SEC14L1: variants seen among roughly 807,000 people sequenced by gnomAD.
SEC14L1 encodes the protein SEC14-like protein 1.
SEC14L1 carries 48 observed loss-of-function variants against 85.3 expected under a neutral mutation model. The ratio of observed to expected loss-of-function variants is 0.56; its 90% CI spans 0.45 to 0.72. SEC14L1 has a LOEUF of 0.72. SEC14L1 is among the 30% of genes least tolerant of loss of function. The probability of loss-of-function intolerance (pLI) is 0.00; values close to 1 mark genes in which losing one functional copy is unlikely to be tolerated. For synonymous variants in SEC14L1, 391 were observed against 355.5 expected, an observed-to-expected ratio of 1.10 and a Z score of -1.12; for missense variants, 682 against 921.4, an observed-to-expected ratio of 0.74 and a Z score of 3.36.
At chr17:77,208,455 A>G (rs1346577528) in intron 13 of SEC14L1, among the ~76,000 whole-genome samples, 1 of 152,194 alleles carries the variant, frequency 6.6e-6, no homozygotes, top group Non-Finnish European at 1.5e-5. Flanking sequence ...TGTTTGTCAC[A>G]TGCCGACCTC....
chr17:77,163,017 G>A lies in SEC14L1; in HGVS notation c.63+19358G>A, dbSNP rs528110279. On this transcript the variant is annotated intron_variant, in intron 3 of 16. Transcript: ENST00000436233. ...TTGGCCACGTACCAGGGAGACAGGG[G>A]AGTTCGGTATGCCATCGGCCAATAG... Among the ~76,000 whole-genome samples, 31 of 152,228 alleles carry A rather than the reference G, an allele frequency of 2.0e-4. No individual in the cohort carries two copies. In the South Asian group the frequency reaches 6.2e-3, roughly 31 times the overall value.
At chr17:77,133,938 CAA>C (rs539944837) in intron 3 of SEC14L1, among the ~76,000 whole-genome samples, 10 of 93,778 alleles carry the variant, frequency 1.1e-4, no homozygotes, top group South Asian at 4.1e-4. Context: ...GACTCCATCT[CAA>C]AAAAAAAAAA....
At chr17:77,177,881 A>G (rs971760094) in intron 3 of SEC14L1, among the ~76,000 whole-genome samples, 4 of 152,166 alleles carry the variant, frequency 2.6e-5, no homozygotes, top group African/African-American at 9.7e-5. Flanking sequence ...AACAATTTTG[A>G]CAGGACACAT....
rs144739763 is a variant in SEC14L1, at chr17:77,213,740, G to T, written c.2043-178G>T. Reference sequence around the variant, plus strand: ...AGCTCACACTGCCGTCTGCGTGCAGGCTGTGGGAAGCCGGTCCCCCTGGTG... The same window carrying T: ...AGCTCACACTGCCGTCTGCGTGCAGTCTGTGGGAAGCCGGTCCCCCTGGTG... On this transcript the variant is annotated intron_variant, in intron 16 of 16. Coordinates refer to ENST00000436233, the MANE Select transcript of SEC14L1 (RefSeq NM_001143998.2). This position sits in a 1 kb window ranked among gnomAD's most constrained non-coding sequence, Gnocchi z 7.1. 3.3e-6 allele frequency: 3 copies of T among 897,664 alleles called. No individual in the cohort carries two copies. Among genetic ancestry groups the T allele is most frequent in the Non-Finnish European group, 5.3e-6 (3 of 561,564 alleles). The allele number at this position is 897,664 out of a possible 1,614,324, so 55.6% of individuals were successfully genotyped here.
chr17:77,115,700 C>A (rs1203817538), intron 3 of SEC14L1, among the ~76,000 whole-genome samples: 1 of 152,128 alleles, frequency 6.6e-6, no homozygotes, highest in African/African-American at 2.4e-5. Context: ...GGAGCATGTT[C>A]TCTTGCTTTC....
At chr17:77,191,613 G>T (rs1236984562) in intron 5 of SEC14L1, among the ~76,000 whole-genome samples, 1 of 152,060 alleles carries the variant, frequency 6.6e-6, no homozygotes, top group Non-Finnish European at 1.5e-5. Context: ...TGCAATCTCG[G>T]CTCACTGCAA....
intron 3 of SEC14L1, among the ~76,000 whole-genome samples, chr17:77,148,259 A>G (rs1177342986): frequency 1.3e-5 from 2 of 152,012 alleles, no homozygotes; most frequent in African/African-American, 2.4e-5. Context: ...GAGTTGTGGG[A>G]GAGAGGGAAG....
intron 6 of SEC14L1, 113 bp from the exon 7 acceptor site, chr17:77,194,564 A>AAG: frequency 1.3e-6 from 1 of 761,854 alleles, no homozygotes; most frequent in Non-Finnish European, 2.1e-6. Flanking sequence ...AAAAAAAAAA[A>AAG]GATTGTGAGG....
At chr17:77,105,177 G>T (rs139339477) in intron 3 of SEC14L1, among the ~76,000 whole-genome samples, 1 of 152,098 alleles carries the variant, frequency 6.6e-6, no homozygotes, top group East Asian at 1.9e-4. Context: ...TTGGCCCTAA[G>T]CAGTTTCCAG....
At chr17:77,137,638 A>G (rs1367103046), upstream of SEC14L1, among the ~76,000 whole-genome samples, 1 of 152,234 alleles carries the variant, frequency 6.6e-6, no homozygotes, top group Non-Finnish European at 1.5e-5. Context: ...GCATCCACAC[A>G]GCTTAGCCAT....
chr17:77,127,078 C>T (rs1157213446), intron 3 of SEC14L1, among the ~76,000 whole-genome samples: 2 of 151,420 alleles, frequency 1.3e-5, no homozygotes, highest in African/African-American at 4.9e-5. Context: ...TAGGGGTACA[C>T]GTGCCATAGT....
chr17:77,138,448 C>T (rs1392696377), upstream of SEC14L1, among the ~76,000 whole-genome samples: 8 of 151,848 alleles, frequency 5.3e-5, no homozygotes, highest in South Asian at 4.2e-4. Flanking sequence ...GGTGAAAGCC[C>T]GTCTCTACTA....
chr17:77,164,688 G>A (rs564661769), intron 3 of SEC14L1, among the ~76,000 whole-genome samples: 1 of 152,180 alleles, frequency 6.6e-6, no homozygotes, highest in East Asian at 1.9e-4. Context: ...GGATAGCTGA[G>A]TTGCAGACAT....
chr17:77,159,771 A>G (rs1973979935), intron 3 of SEC14L1, among the ~76,000 whole-genome samples: 1 of 152,222 alleles, frequency 6.6e-6, no homozygotes, highest in Admixed American at 6.5e-5. Context: ...TTGAAAATAC[A>G]GCTTTAATTT....
chr17:77,127,321 C>T (rs1378509532), intron 3 of SEC14L1, among the ~76,000 whole-genome samples: 1 of 151,960 alleles, frequency 6.6e-6, no homozygotes, highest in African/African-American at 2.4e-5. Flanking sequence ...TGAACTCATT[C>T]CTTTTTATGG....
At chr17:77,145,647 A>T (rs1973267638) in intron 3 of SEC14L1, among the ~76,000 whole-genome samples, 1 of 152,162 alleles carries the variant, frequency 6.6e-6, no homozygotes, top group South Asian at 2.1e-4. Flanking sequence ...TGAGGCAAAG[A>T]CCCACTCCAG....
chr17:77,123,075 G>A (rs1972343406), intron 3 of SEC14L1, among the ~76,000 whole-genome samples: 1 of 150,786 alleles, frequency 6.6e-6, no homozygotes, highest in African/African-American at 2.4e-5. Flanking sequence ...TTTTGAGATG[G>A]AGTCTCACTC....
intron 3 of SEC14L1, among the ~76,000 whole-genome samples, chr17:77,109,334 C>G (rs1253601626): frequency 1.3e-5 from 2 of 152,144 alleles, no homozygotes; most frequent in Non-Finnish European, 2.9e-5. Context: ...AAACTCCCAG[C>G]CTCACGTGAT....
At chr17:77,114,080 G>A (rs922569347) in intron 3 of SEC14L1, among the ~76,000 whole-genome samples, 7 of 152,116 alleles carry the variant, frequency 4.6e-5, no homozygotes, top group African/African-American at 7.2e-5. Context: ...AGCAAAGGGC[G>A]CCCTGGATGT....
Sources: gnomAD v4.1 joint callset for allele counts (sites outside exome capture counted in the v4.1 genomes callset) on GRCh38, gnomAD v4.1.1 for gene constraint, Gnocchi (gnomAD v3.1) non-coding constraint, MANE v1.5 for transcripts, NCBI Gene and HGNC (gene_info 2026-07-23, HGNC 2026-07-21) for gene names.